NCALD: variants seen among roughly 807,000 people sequenced by gnomAD.
NCALD encodes neurocalcin-delta.
Under a neutral mutation model 18.6 loss-of-function variants are expected in NCALD, and 10 were observed. The ratio of observed to expected loss-of-function variants is 0.54; its 90% CI spans 0.33 to 0.91. The LOEUF (loss-of-function observed/expected upper bound fraction) is 0.91. Among genes scored for constraint, NCALD ranks in the 40% least tolerant of loss-of-function variants. NCALD has a pLI of 0.03. For missense variants in NCALD, 184 were observed against 247.6 expected (o/e 0.74, Z 1.72); for synonymous variants, 88 against 87.4 (o/e 1.01, Z -0.04).
intron 1 of NCALD, among the ~76,000 whole-genome samples, chr8:102,097,435 G>T (rs1255191024): frequency 6.6e-6 from 1 of 152,186 alleles, no homozygotes; most frequent in Non-Finnish European, 1.5e-5. Context: ...GTGCTTAAGT[G>T]CATGGTGACC....
At chr8:101,977,230 TAC>T (rs1037312661) in intron 2 of NCALD, among the ~76,000 whole-genome samples, 1 of 151,512 alleles carries the variant, frequency 6.6e-6, no homozygotes, top group African/African-American at 2.4e-5. Context: ...AATTTTTTTT[TAC>T]AGTGAAAAAA....
intron 2 of NCALD, among the ~76,000 whole-genome samples, chr8:102,010,941 T>C (rs1385796245): frequency 6.6e-6 from 1 of 152,216 alleles, no homozygotes; most frequent in African/African-American, 2.4e-5. Flanking sequence ...TTCAACCAAA[T>C]GATCTTCATA....
intron 4 of NCALD, among the ~76,000 whole-genome samples, chr8:101,803,606 A>G (rs578182338): frequency 3.3e-4 from 50 of 152,324 alleles, no homozygotes; most frequent in African/African-American, 1.1e-3. Context: ...GGATAAGAGT[A>G]ATTATTCTAG....
At position 101,713,810 on chromosome 8, in the gene NCALD, G is replaced by C. The variant is rs560376063; in HGVS notation, c.378+5442C>G. On this transcript the variant is annotated intron_variant, in intron 2 of 3. Coordinates refer to ENST00000220931, the MANE Select transcript of NCALD (RefSeq NM_032041.3). ...ATTGATAGCCTACCAACAAAAAAAAGCCCAGGACCGGATGGATTCACAGCC... is the reference window on the plus strand; with the variant it reads ...ATTGATAGCCTACCAACAAAAAAAACCCCAGGACCGGATGGATTCACAGCC... Among the ~76,000 whole-genome samples, 21 of 152,200 alleles carry C rather than the reference G, an allele frequency of 1.4e-4. No homozygotes were observed. In the South Asian group the frequency reaches 4.4e-3, roughly 32 times the overall value.
chr8:102,089,259 C>T (rs1428591903), intron 1 of NCALD, among the ~76,000 whole-genome samples: 3 of 152,092 alleles, frequency 2.0e-5, no homozygotes, highest in East Asian at 3.9e-4. Context: ...CCAGGCATGG[C>T]GGCAGGCACC....
chr8:101,829,263 T>A (rs1354099391), intron 4 of NCALD, among the ~76,000 whole-genome samples: 1 of 152,218 alleles, frequency 6.6e-6, no homozygotes, highest in African/African-American at 2.4e-5. Context: ...AATAACTGAA[T>A]AACTCATCTT....
chr8:101,766,585 GTTGTTTTTGTTT>G, intron 1 of NCALD, among the ~76,000 whole-genome samples: 1 of 152,148 alleles, frequency 6.6e-6, no homozygotes, highest in South Asian at 2.1e-4. Context: ...TTCTTTGTTT[GTTGTTTTTGTTT>G]TTGTTTTTTG....
intron 1 of NCALD, chr8:102,123,774 C>G (rs942923134): frequency 1.0e-4 from 16 of 152,532 alleles, no homozygotes; most frequent in African/African-American, 3.6e-4. Flanking sequence ...GTGGCCTTTC[C>G]GGGCAGACTC....
intron 2 of NCALD, among the ~76,000 whole-genome samples, chr8:101,703,123 T>G (rs1300225319): frequency 6.6e-6 from 1 of 151,196 alleles, no homozygotes; most frequent in Admixed American, 6.6e-5. Flanking sequence ...TCTGACTCCC[T>G]CTTCATCTGG....
chr8:101,728,485 A>G (rs1459367381), intron 1 of NCALD, among the ~76,000 whole-genome samples: 1 of 152,194 alleles, frequency 6.6e-6, no homozygotes, highest in African/African-American at 2.4e-5. Context: ...GCAACAAGGA[A>G]CCCAGTAACC....
chr8:101,824,008 C>T (rs79723204), intron 4 of NCALD, among the ~76,000 whole-genome samples: 2,370 of 152,260 alleles, frequency 0.016, 91 homozygotes, highest in East Asian at 0.12. Context: ...ACAATGCAAA[C>T]GCTACAATTA....
chr8:101,706,317 T>TAAAAA (rs1261711377), intron 2 of NCALD, among the ~76,000 whole-genome samples: 1 of 145,952 alleles, frequency 6.9e-6, no homozygotes, highest in African/African-American at 2.5e-5. Context: ...TAAGACTATT[T>TAAAAA]AAAAAAAAAA....
At chr8:101,824,136 C>A (rs780521620) in intron 4 of NCALD, among the ~76,000 whole-genome samples, 1 of 152,180 alleles carries the variant, frequency 6.6e-6, no homozygotes, top group Non-Finnish European at 1.5e-5. Context: ...AGCACAGAAC[C>A]TATGCTCTAT....
chr8:101,778,184 T>G (rs546796798), intron 1 of NCALD, among the ~76,000 whole-genome samples: 8 of 152,172 alleles, frequency 5.3e-5, no homozygotes, highest in Non-Finnish European at 8.8e-5. Context: ...CACATGTGCC[T>G]CCTGTGAGCC....
intron 4 of NCALD, among the ~76,000 whole-genome samples, chr8:101,859,604 C>T (rs146234102): frequency 1.2e-4 from 19 of 152,054 alleles, no homozygotes; most frequent in African/African-American, 1.7e-4. Flanking sequence ...AGAAGCTAAA[C>T]GTATGATAGC....
At chr8:101,793,041 A>T (rs1258095365), upstream of NCALD, among the ~76,000 whole-genome samples, 2 of 152,206 alleles carry the variant, frequency 1.3e-5, no homozygotes, top group Non-Finnish European at 2.9e-5. Context: ...TAAAATATTC[A>T]GTGAACTATT....
chr8:101,847,137 A>G (rs561430868), intron 4 of NCALD: 2 of 152,724 alleles, frequency 1.3e-5, no homozygotes, highest in South Asian at 2.0e-4. Flanking sequence ...GGACTTCTAG[A>G]AAGTCCGTTA....
At chr8:101,853,695 T>G (rs1198625960) in intron 4 of NCALD, among the ~76,000 whole-genome samples, 1 of 152,078 alleles carries the variant, frequency 6.6e-6, no homozygotes, top group Non-Finnish European at 1.5e-5. Flanking sequence ...GGGAGTCCAG[T>G]GGAAAGCAAT....
intron 2 of NCALD, among the ~76,000 whole-genome samples, chr8:101,944,844 T>C (rs1287649619): frequency 6.6e-6 from 1 of 152,236 alleles, no homozygotes; most frequent in African/African-American, 2.4e-5. Context: ...TCACTATTGC[T>C]AGTCCCCGCG....
Sources: allele counts gnomAD v4.1 joint callset (sites outside exome capture counted in the v4.1 genomes callset), GRCh38; gene constraint gnomAD v4.1.1; transcripts MANE v1.5; gene names NCBI Gene and HGNC (gene_info 2026-07-23, HGNC 2026-07-21).